The following FMN1 variants were observed in gnomAD, a reference collection of about 807,000 sequenced individuals.
The protein encoded by FMN1 is formin 1, also known as formin-1.
In FMN1, 110 loss-of-function variants were observed where a neutral mutation model predicts 132.4. The ratio of observed to expected loss-of-function variants is 0.83; its 90% CI spans 0.71 to 0.97. The LOEUF (loss-of-function observed/expected upper bound fraction) is 0.97. Among genes scored for constraint, FMN1 ranks in the 50% least tolerant of loss-of-function variants. The pLI, the probability that FMN1 is intolerant of heterozygous loss-of-function variation, is 0.00. For synonymous variants in FMN1, 722 were observed against 651.7 expected, an observed-to-expected ratio of 1.11 and a Z score of -1.64; for missense variants, 1,792 against 1,705.3, an observed-to-expected ratio of 1.05 and a Z score of -0.90.
At position 33,145,705 on chromosome 15, in the gene FMN1, G is replaced by C. The variant is rs374063214; in HGVS notation, c.1867+7343C>G. 1.3e-4 allele frequency among the ~76,000 whole-genome samples: 19 copies of C among 150,992 alleles called. No homozygotes were observed. The East Asian group carries it at 3.2e-3, about 25-fold the overall frequency. ...AGCCCTCAAGCAGAAGACTCTGGAC[G>C]GGCATGACTGTCAAATTATCCAGAC... On this transcript the variant is annotated intron_variant, in intron 4 of 20. Coordinates refer to ENST00000616417, the MANE Select transcript of FMN1 (RefSeq NM_001277313.2).
intron 10 of FMN1, among the ~76,000 whole-genome samples, chr15:32,912,913 A>G (rs2060598852): frequency 6.6e-6 from 1 of 152,230 alleles, no homozygotes. Flanking sequence ...AGAACATGGT[A>G]TAAGCCCAAA....
chr15:33,108,673 G>T (rs1172158354), intron 4 of FMN1, among the ~76,000 whole-genome samples: 8 of 151,990 alleles, frequency 5.3e-5, no homozygotes. Context: ...GATAGCCCTT[G>T]GCTCCTGATG....
intron 17 of FMN1, among the ~76,000 whole-genome samples, chr15:32,852,704 A>G (rs1215242459): frequency 1.3e-5 from 2 of 152,226 alleles, no homozygotes; most frequent in African/African-American, 4.8e-5. Context: ...TATAACTAAC[A>G]TATTTCTCAG....
intron 6 of FMN1, among the ~76,000 whole-genome samples, chr15:33,046,383 T>A (rs996727169): frequency 6.6e-6 from 1 of 152,150 alleles, no homozygotes; most frequent in Admixed American, 6.5e-5. Context: ...GGATGCCTAT[T>A]AATATGCAGA....
chr15:32,847,952 C>T (rs2058898410), intron 17 of FMN1, among the ~76,000 whole-genome samples: 1 of 152,090 alleles, frequency 6.6e-6, no homozygotes, highest in Non-Finnish European at 1.5e-5. Context: ...ATATAAATGA[C>T]TGAGATTTGG....
intron 6 of FMN1, among the ~76,000 whole-genome samples, chr15:33,036,489 A>G (rs905048543): frequency 3.3e-5 from 5 of 152,178 alleles, no homozygotes; most frequent in African/African-American, 1.2e-4. Flanking sequence ...AAATGTCCCT[A>G]TATTTATGCT....
chr15:32,977,294 C>T (rs1484652709), intron 7 of FMN1, among the ~76,000 whole-genome samples: 1 of 152,110 alleles, frequency 6.6e-6, no homozygotes, highest in African/African-American at 2.4e-5. Context: ...ATCACTGATC[C>T]TCAATGATTA....
At chr15:32,891,531 G>C (rs983168443) in intron 15 of FMN1, among the ~76,000 whole-genome samples, 3 of 152,214 alleles carry the variant, frequency 2.0e-5, no homozygotes, top group African/African-American at 7.2e-5. Context: ...ACCGTGTCCA[G>C]CCTAGAGTTG....
intron 17 of FMN1, among the ~76,000 whole-genome samples, chr15:32,849,667 T>TC (rs1281653816): frequency 2.1e-5 from 3 of 146,186 alleles, no homozygotes; most frequent in Non-Finnish European, 4.6e-5. Flanking sequence ...TTCTTTTCTT[T>TC]ATTTTTTTTT....
At chr15:33,093,849 T>C (rs1034299242) in intron 4 of FMN1, among the ~76,000 whole-genome samples, 4 of 152,240 alleles carry the variant, frequency 2.6e-5, no homozygotes, top group African/African-American at 4.8e-5. Flanking sequence ...GCAATGTAGT[T>C]TGCATTTCTA....
At chr15:33,087,812 CACAT>C (rs1257263343) in intron 5 of FMN1, among the ~76,000 whole-genome samples, 4 of 107,962 alleles carry the variant, frequency 3.7e-5, no homozygotes, top group Non-Finnish European at 7.8e-5. Context: ...TATACATATA[CACAT>C]ATATATACAT....
In FMN1 at chr15:33,177,106, T is replaced by C. The variant is rs187759583; in HGVS notation, c.-132+3092A>G. Among the ~76,000 whole-genome samples, 7 of 152,312 alleles carry C rather than the reference T, an allele frequency of 4.6e-5. No individual in the cohort carries two copies. In the East Asian group the frequency reaches 1.3e-3, roughly 29 times the overall value. Reference sequence around the variant, plus strand: ...CTGTGAAGTAGGTACTATTATTATCTCCATTTACAAGGAAGAAGCTGAGGC... The same window carrying C: ...CTGTGAAGTAGGTACTATTATTATCCCCATTTACAAGGAAGAAGCTGAGGC... On this transcript the variant is annotated intron_variant, in intron 3 of 20. Transcript: ENST00000616417.
At chr15:32,976,739 A>G (rs1035738009) in intron 7 of FMN1, among the ~76,000 whole-genome samples, 4 of 152,194 alleles carry the variant, frequency 2.6e-5, no homozygotes, top group Non-Finnish European at 4.4e-5. Context: ...GAAGGGGTAA[A>G]GAGTAATTGA....
At chr15:32,908,099 T>A (rs1422609717) in intron 12 of FMN1, 1 of 173,890 alleles carries the variant, frequency 5.8e-6, no homozygotes, top group African/African-American at 2.4e-5. Flanking sequence ...ATATGACCTT[T>A]AGGAAAATAA....
At chr15:32,827,704 C>T (rs1174456392) in intron 17 of FMN1, among the ~76,000 whole-genome samples, 3 of 152,066 alleles carry the variant, frequency 2.0e-5, no homozygotes, top group Admixed American at 1.3e-4. Flanking sequence ...ATTAGCCTGG[C>T]GTGGTGGCGG....
At chr15:32,838,057 A>G (rs1365762099) in intron 17 of FMN1, among the ~76,000 whole-genome samples, 1 of 151,842 alleles carries the variant, frequency 6.6e-6, no homozygotes, top group Admixed American at 6.6e-5. Context: ...CAATGAAGGC[A>G]AGAGGGAAAG....
chr15:33,087,670 G>A (rs1389771503), intron 5 of FMN1, among the ~76,000 whole-genome samples: 2 of 152,112 alleles, frequency 1.3e-5, no homozygotes, highest in Admixed American at 6.6e-5. Context: ...AGGAAAAGAA[G>A]TCATTATACG....
intron 4 of FMN1, among the ~76,000 whole-genome samples, chr15:33,127,987 G>C (rs1041469191): frequency 6.6e-6 from 1 of 152,160 alleles, no homozygotes; most frequent in African/African-American, 2.4e-5. Flanking sequence ...GGTAACAGAA[G>C]GGCAACGGGG....
At chr15:32,792,030 G>C (rs900387206) in intron 19 of FMN1, among the ~76,000 whole-genome samples, 2 of 152,054 alleles carry the variant, frequency 1.3e-5, no homozygotes, top group Non-Finnish European at 2.9e-5. Context: ...GATTTACCTT[G>C]GGGAAGGCCC....
Sources: gnomAD v4.1 joint callset for allele counts (sites outside exome capture counted in the v4.1 genomes callset) on GRCh38, gnomAD v4.1.1 for gene constraint, MANE v1.5 for transcripts, NCBI Gene and HGNC (gene_info 2026-07-23, HGNC 2026-07-21) for gene names.